The following MYRIP variants were observed in gnomAD, a reference collection of about 807,000 sequenced individuals.
The protein encoded by MYRIP is myosin VIIA and Rab interacting protein, also known as rab effector MyRIP.
MYRIP carries 49 observed loss-of-function variants against 98.0 expected under a neutral mutation model. That is an observed-to-expected ratio of 0.50 (90% CI 0.40 to 0.63). The LOEUF (loss-of-function observed/expected upper bound fraction) is 0.63. MYRIP is among the 30% of genes least tolerant of loss of function. The pLI is 0.00. For missense variants in MYRIP, 1,004 were observed against 1,058.2 expected (o/e 0.95, Z 0.71); for synonymous variants, 404 against 409.5 (o/e 0.99, Z 0.16).
At chr3:39,978,430 GTC>G (rs1223568615) in intron 2 of MYRIP, among the ~76,000 whole-genome samples, 2 of 152,194 alleles carry the variant, frequency 1.3e-5, no homozygotes, top group African/African-American at 2.4e-5. Flanking sequence ...TCCCATAGCA[GTC>G]TCTCTTGTCT....
At chr3:40,210,664 A>G (rs1197815567) in intron 11 of MYRIP, among the ~76,000 whole-genome samples, 2 of 152,092 alleles carry the variant, frequency 1.3e-5, no homozygotes, top group Non-Finnish European at 2.9e-5. Context: ...ACAGAAAAAA[A>G]TTATTCTTGT....
intron 3 of MYRIP, among the ~76,000 whole-genome samples, chr3:40,084,344 G>A (rs972160692): frequency 6.7e-6 from 1 of 148,386 alleles, no homozygotes; most frequent in Non-Finnish European, 1.5e-5. Context: ...ACACATCTAT[G>A]TATTATATAT....
At chr3:40,148,917 G>C (rs1950061792) in intron 3 of MYRIP, among the ~76,000 whole-genome samples, 1 of 152,162 alleles carries the variant, frequency 6.6e-6, no homozygotes, top group Non-Finnish European at 1.5e-5. Context: ...AGGAGTTTAG[G>C]GCTGAAAGGT....
chr3:40,217,264 CA>C (rs1468073288), intron 11 of MYRIP, among the ~76,000 whole-genome samples: 1 of 152,002 alleles, frequency 6.6e-6, no homozygotes, highest in African/African-American at 2.4e-5. Context: ...GTCTCACACA[CA>C]AAAAATCACA....
chr3:40,131,169 T>C (rs951430636), intron 3 of MYRIP, among the ~76,000 whole-genome samples: 1 of 152,196 alleles, frequency 6.6e-6, no homozygotes, highest in Non-Finnish European at 1.5e-5. Context: ...GGAATACAGC[T>C]TTTCTGTTAG....
intron 3 of MYRIP, among the ~76,000 whole-genome samples, chr3:40,056,087 G>A (rs1456687170): frequency 2.0e-5 from 3 of 152,174 alleles, no homozygotes; most frequent in Admixed American, 6.5e-5. Flanking sequence ...ACGTGTGACA[G>A]GCATCCCTGG....
intron 12 of MYRIP, 61 bp downstream of exon 12, chr3:40,234,114 A>C: frequency 6.6e-7 from 1 of 1,504,572 alleles, no homozygotes; most frequent in South Asian, 1.3e-5. Context: ...AGCTGATGAA[A>C]TTGTAGCTTA....
intron 3 of MYRIP, among the ~76,000 whole-genome samples, chr3:40,112,713 G>A (rs943677438): frequency 6.6e-6 from 1 of 152,152 alleles, no homozygotes; most frequent in Non-Finnish European, 1.5e-5. Context: ...CCTCCATAAG[G>A]ATTTTTCATC....
chr3:40,023,933 G>A (rs1190284640), intron 2 of MYRIP, among the ~76,000 whole-genome samples: 3 of 152,144 alleles, frequency 2.0e-5, no homozygotes, highest in Non-Finnish European at 2.9e-5. Flanking sequence ...GTGATTCATG[G>A]ATTTTGTGAC....
At chr3:40,244,820 T>C (rs570425951) in intron 13 of MYRIP, among the ~76,000 whole-genome samples, 134 of 152,328 alleles carry the variant, frequency 8.8e-4, no homozygotes, top group African/African-American at 3.1e-3. Context: ...GATAATATAT[T>C]GGATGCCCTT....
At chr3:40,075,994 G>A (rs190008099) in intron 3 of MYRIP, among the ~76,000 whole-genome samples, 3 of 152,232 alleles carry the variant, frequency 2.0e-5, no homozygotes, top group Admixed American at 6.5e-5. Flanking sequence ...CCAGGAGTTC[G>A]AGACCAGCCT....
intron 4 of MYRIP, among the ~76,000 whole-genome samples, chr3:40,154,746 G>A (rs552253227): frequency 6.6e-6 from 1 of 152,174 alleles, no homozygotes; most frequent in Admixed American, 6.5e-5. Flanking sequence ...TCCCCCTGCT[G>A]TGTCCATGTG....
chr3:39,986,046 C>T (rs574962719), intron 2 of MYRIP, among the ~76,000 whole-genome samples: 26 of 152,268 alleles, frequency 1.7e-4, no homozygotes, highest in Middle Eastern at 6.8e-3. Context: ...AGAAAATTTT[C>T]GCAACCGACT....
chr3:40,213,644 T>A (rs1952030790), intron 11 of MYRIP, among the ~76,000 whole-genome samples: 1 of 149,838 alleles, frequency 6.7e-6, no homozygotes, highest in African/African-American at 2.5e-5. Context: ...ACACACACAC[T>A]CTTTGGGGAG....
At chr3:40,153,835 G>C (rs1011327273) in intron 4 of MYRIP, among the ~76,000 whole-genome samples, 1 of 152,118 alleles carries the variant, frequency 6.6e-6, no homozygotes, top group Admixed American at 6.6e-5. Context: ...GATCACTGTA[G>C]TTTGCCATAA....
chr3:39,823,814 T>G (rs1452030633), intron 1 of MYRIP, among the ~76,000 whole-genome samples: 6 of 152,142 alleles, frequency 3.9e-5, no homozygotes, highest in East Asian at 3.8e-4. Context: ...ATCACTCTAT[T>G]TATTATGTAT....
intron 9 of MYRIP, among the ~76,000 whole-genome samples, chr3:40,186,517 T>C (rs551553371): frequency 9.7e-4 from 147 of 152,172 alleles, no homozygotes; most frequent in African/African-American, 3.5e-3. Context: ...TGTAGAAGAC[T>C]CACCTGCCTG....
chr3:39,871,345 A>G (rs1348264432), intron 1 of MYRIP, among the ~76,000 whole-genome samples: 1 of 152,208 alleles, frequency 6.6e-6, no homozygotes, highest in African/African-American at 2.4e-5. Context: ...TTTGAGTTCA[A>G]CTTTGAAAAC....
intron 12 of MYRIP, among the ~76,000 whole-genome samples, chr3:40,237,329 T>C (rs1952851882): frequency 6.6e-6 from 1 of 152,180 alleles, no homozygotes; most frequent in Admixed American, 6.5e-5. Context: ...TTGGATTAGG[T>C]AATTCTTTGT....
Sources: allele counts gnomAD v4.1 joint callset (sites outside exome capture counted in the v4.1 genomes callset), GRCh38; gene constraint gnomAD v4.1.1; transcripts MANE v1.5; gene names NCBI Gene and HGNC (gene_info 2026-07-23, HGNC 2026-07-21).